The following DPYSL2 variants were observed in gnomAD, a reference collection of about 807,000 sequenced individuals.
DPYSL2 encodes the protein dihydropyrimidinase like 2, also known as dihydropyrimidinase-related protein 2.
A neutral mutation model predicts 69.9 loss-of-function variants in DPYSL2; 13 were observed. The ratio of observed to expected loss-of-function variants is 0.19; its 90% confidence interval spans 0.12 to 0.30. The LOEUF (loss-of-function observed/expected upper bound fraction) is 0.30. DPYSL2 is among the 10% of genes least tolerant of loss of function. The pLI is 1.00. For missense variants in DPYSL2, 587 were observed against 918.9 expected (o/e 0.64, Z 4.67); for synonymous variants, 326 against 359.1 (o/e 0.91, Z 1.04).
At position 26,621,008 on chromosome 8, in the gene DPYSL2, T is replaced by A. The variant is rs115545413; in HGVS notation, c.629-3135T>A. ...ATACATACACATACATACATGCCTCTTTCCTGATTTTATTTTACCATTATT... is the reference window on the plus strand; with the variant it reads ...ATACATACACATACATACATGCCTCATTCCTGATTTTATTTTACCATTATT... On this transcript the variant is annotated intron_variant, in intron 3 of 13. Transcript: ENST00000521913. This position sits in a 1 kb window ranked among gnomAD's most constrained non-coding sequence, Gnocchi z 4.9. 6.9e-3 allele frequency among the ~76,000 whole-genome samples: 1,044 copies of A among 152,314 alleles called. 16 individuals are homozygous for A. The highest frequency in any genetic ancestry group is 0.024 in the African/African-American group (998 of 41,572).
intron 1 of DPYSL2, among the ~76,000 whole-genome samples, chr8:26,539,182 G>C (rs1164390450): frequency 1.3e-5 from 2 of 152,114 alleles, no homozygotes; most frequent in African/African-American, 4.8e-5. Flanking sequence ...TTAATACACA[G>C]GAATATTAAC....
In DPYSL2 at chr8:26,532,661, A is replaced by G. The variant is rs190952419; in HGVS notation, c.354+17982A>G. Reference sequence around the variant, plus strand: ...TGACTGGCTTCTTTCTCTCAGCACAATGTTTTCCAGTTTCATTGGTGTTAT... The same window carrying G: ...TGACTGGCTTCTTTCTCTCAGCACAGTGTTTTCCAGTTTCATTGGTGTTAT... On this transcript the variant is annotated intron_variant, in intron 1 of 13. Coordinates refer to ENST00000521913, the MANE Select transcript of DPYSL2 (RefSeq NM_001197293.3). Among the ~76,000 whole-genome samples, 178 of 152,272 alleles carry G rather than the reference A, an allele frequency of 1.2e-3. 1 individual carries two copies. Among genetic ancestry groups the G allele is most frequent in the Admixed American group, 0.011 (163 of 15,278 alleles).
Position 26,644,054 on chromosome 8 carries a change from C to T in DPYSL2, c.1388C>T (p.Thr463Ile). The T allele has an allele frequency of 1.9e-6, 3 of 1,614,228 alleles. No individual in the cohort carries two copies. The highest frequency in any genetic ancestry group is 2.2e-5 in the East Asian group (1 of 44,882). ...FTLIPEGTNG[T>I]EERMSVIWDK... Reference sequence around the variant, plus strand: ...CTGATTCCGGAGGGCACCAATGGCACTGAGGAGCGGATGTCCGTCATCTGG... The same window carrying T: ...CTGATTCCGGAGGGCACCAATGGCATTGAGGAGCGGATGTCCGTCATCTGG... Residue 463 changes from threonine to isoleucine, a missense_variant, in exon 10 of 14, where the codon ACT becomes ATT. Physicochemically the swap from Thr to Ile is moderately conservative, Grantham distance 89. This residue lies in a region of DPYSL2 where 452 missense variants were observed against 754.3 expected (regional missense o/e 0.60). Coordinates refer to ENST00000521913, the MANE Select transcript of DPYSL2 (RefSeq NM_001197293.3). This position sits in a 1 kb window ranked among gnomAD's most constrained non-coding sequence, Gnocchi z 4.5.
At chr8:26,599,300 G>T (rs1005333037) in intron 3 of DPYSL2, among the ~76,000 whole-genome samples, 2 of 151,992 alleles carry the variant, frequency 1.3e-5, no homozygotes, top group African/African-American at 2.4e-5. Flanking sequence ...CCCTATTTTT[G>T]TGGTCCCCCT....
In DPYSL2 at chr8:26,587,800, C is replaced by T. The variant is rs529290304; in HGVS notation, c.628+3817C>T. Among the ~76,000 whole-genome samples the T allele has an allele frequency of 6.6e-5, 10 of 152,220 alleles. No homozygotes were observed. Among genetic ancestry groups the T allele is most frequent in the East Asian group, 3.9e-4 (2 of 5,146 alleles). On this transcript the variant is annotated intron_variant, in intron 3 of 13. Transcript: ENST00000521913. This position sits in a 1 kb window ranked among gnomAD's most constrained non-coding sequence, Gnocchi z 4.2. ...GCATTGCTGCTTGGGGAAAACCCTA[C>T]GGACTTCCCAGGGCCTTCATGGTCA...
rs1448725518 is a variant in DPYSL2, at chr8:26,597,185, C to T, written c.628+13202C>T. On this transcript the variant is annotated intron_variant, in intron 3 of 13. Transcript: ENST00000521913. The surrounding 1 kb of genome is among the most constrained non-coding windows in gnomAD (Gnocchi z 5.2). Reference sequence around the variant, plus strand: ...CCTGGGTTGATGCCCTAGATCTCCCCTTGCATCCCAGAGGGGGATTTGGAG... The same window carrying T: ...CCTGGGTTGATGCCCTAGATCTCCCTTTGCATCCCAGAGGGGGATTTGGAG... 6.6e-6 allele frequency among the ~76,000 whole-genome samples: 1 copy of T among 152,198 alleles called. No individual in the cohort carries two copies. The highest frequency in any genetic ancestry group is 1.5e-5 in the Non-Finnish European group (1 of 68,036).
chr8:26,556,950 G>A (rs975020440), intron 1 of DPYSL2, among the ~76,000 whole-genome samples: 1 of 152,108 alleles, frequency 6.6e-6, no homozygotes, highest in Non-Finnish European at 1.5e-5. Context: ...CCTTGATAAA[G>A]GAACAAGGAC....
At chr8:26,578,121 C>A in intron 1 of DPYSL2, 1 of 1,541,948 alleles carries the variant, frequency 6.5e-7, no homozygotes, top group Non-Finnish European at 8.7e-7. Context: ...ATAGCAAGAC[C>A]AGCGAAGCGG....
At chr8:26,603,471 C>G (rs1183331372) in intron 3 of DPYSL2, among the ~76,000 whole-genome samples, 1 of 152,128 alleles carries the variant, frequency 6.6e-6, no homozygotes, top group Non-Finnish European at 1.5e-5. Context: ...GCGCCCGGCT[C>G]TTTCTTCTTT....
At chr8:26,599,974 T>A (rs1393456701) in intron 3 of DPYSL2, among the ~76,000 whole-genome samples, 1 of 152,228 alleles carries the variant, frequency 6.6e-6, no homozygotes, top group Non-Finnish European at 1.5e-5. Flanking sequence ...TCTATAGCGT[T>A]GCCTGTTCTG....
chr8:26,581,922 C>A, intron 1 of DPYSL2, 47 bp from the exon 2 acceptor site: 1 of 1,390,942 alleles, frequency 7.2e-7, no homozygotes, highest in Non-Finnish European at 1.0e-6. Context: ...GCACCTGTTT[C>A]TCATAGGTCA....
At chr8:26,575,827 G>A (rs1801317755) in intron 1 of DPYSL2, among the ~76,000 whole-genome samples, 1 of 152,150 alleles carries the variant, frequency 6.6e-6, no homozygotes, top group South Asian at 2.1e-4. Flanking sequence ...ATTAATTTGA[G>A]TCTCTTTATT....
At chr8:26,607,961 T>G (rs1480410297) in intron 3 of DPYSL2, among the ~76,000 whole-genome samples, 2 of 150,754 alleles carry the variant, frequency 1.3e-5, no homozygotes, top group African/African-American at 4.9e-5. Context: ...CCTGTAGTCC[T>G]AGCTACTCAA....
At chr8:26,545,661 G>T (rs906511122) in intron 1 of DPYSL2, among the ~76,000 whole-genome samples, 4 of 152,116 alleles carry the variant, frequency 2.6e-5, no homozygotes, top group Admixed American at 6.5e-5. Context: ...CAGCTACTTG[G>T]GAGGCTGAGG....
intron 1 of DPYSL2, among the ~76,000 whole-genome samples, chr8:26,553,894 T>G (rs12056380): frequency 0.024 from 3,193 of 133,494 alleles, 240 homozygotes; most frequent in East Asian, 0.16. Context: ...CTGTTATTTT[T>G]GGGCTTTTTT....
At chr8:26,525,518 A>C (rs1396606717) in intron 1 of DPYSL2, among the ~76,000 whole-genome samples, 8 of 152,220 alleles carry the variant, frequency 5.3e-5, no homozygotes, top group Non-Finnish European at 1.2e-4. Context: ...CATCATGCTC[A>C]GCCTGAATTT....
Position 26,614,381 on chromosome 8 carries a change from T to A in DPYSL2, c.629-9762T>A, listed in dbSNP as rs1454582913. ...CGTCAGCAACATTCAGCTCCCTCCA[T>A]AGCTCGATGAGAAGAGAGGGGTGGG... is the stretch of plus-strand genomic sequence containing the variant. On this transcript the variant is annotated intron_variant, in intron 3 of 13. Transcript: ENST00000521913. This position sits in a 1 kb window ranked among gnomAD's most constrained non-coding sequence, Gnocchi z 4.9. Among the ~76,000 whole-genome samples the A allele has an allele frequency of 6.6e-6, 1 of 152,026 alleles. No individual in the cohort carries two copies. The highest frequency in any genetic ancestry group is 1.5e-5 in the Non-Finnish European group (1 of 68,014).
At chr8:26,628,170 T>C (rs1802663021) in intron 7 of DPYSL2, among the ~76,000 whole-genome samples, 1 of 152,252 alleles carries the variant, frequency 6.6e-6, no homozygotes, top group Non-Finnish European at 1.5e-5. Context: ...AAGATTCTTC[T>C]TTCTGTCTGT....
intron 1 of DPYSL2, among the ~76,000 whole-genome samples, chr8:26,552,832 C>T (rs1585504159): frequency 6.6e-6 from 1 of 152,328 alleles, no homozygotes; most frequent in East Asian, 1.9e-4. Flanking sequence ...GATTCTACCT[C>T]TCAACACTGC....
Sources: allele counts gnomAD v4.1 joint callset (sites outside exome capture counted in the v4.1 genomes callset), GRCh38; gene constraint gnomAD v4.1.1; regional missense constraint gnomAD v4.1.1; non-coding constraint Gnocchi (gnomAD v3.1); transcripts MANE v1.5; gene names NCBI Gene and HGNC (gene_info 2026-07-23, HGNC 2026-07-21).